SNX9: variants seen among roughly 807,000 people sequenced by gnomAD.
The protein encoded by SNX9 is sorting nexin-9.
SNX9 carries 44 observed loss-of-function variants against 89.4 expected under a neutral mutation model. That is an observed-to-expected ratio of 0.49 (90% CI 0.39 to 0.63). SNX9 has a LOEUF of 0.63. SNX9 is among the 30% of genes least tolerant of loss of function. The pLI is 0.00. For synonymous variants in SNX9, 236 were observed against 247.8 expected (o/e 0.95, Z 0.45); for missense variants, 578 against 736.1 (o/e 0.79, Z 2.49).
intron 9 of SNX9, 102 bp downstream of exon 9, chr6:157,910,127 C>A: frequency 1.2e-6 from 1 of 855,866 alleles, no homozygotes; most frequent in Non-Finnish European, 2.0e-6. Context: ...TGTAGAGCAG[C>A]AGGATGCAGG....
chr6:157,869,575 T>G (rs73792154), intron 2 of SNX9, among the ~76,000 whole-genome samples: 1 of 152,164 alleles, frequency 6.6e-6, no homozygotes, highest in Non-Finnish European at 1.5e-5. Flanking sequence ...CTCTCCACCC[T>G]GCGCTTCCTG....
At chr6:157,893,675 T>A (rs1782911914) in intron 4 of SNX9, among the ~76,000 whole-genome samples, 1 of 152,118 alleles carries the variant, frequency 6.6e-6, no homozygotes, top group East Asian at 1.9e-4. Flanking sequence ...TTTCATGTTA[T>A]GAAATAGATT....
chr6:157,844,815 G>C (rs985139937), intron 1 of SNX9, among the ~76,000 whole-genome samples: 1 of 151,988 alleles, frequency 6.6e-6, no homozygotes, highest in African/African-American at 2.4e-5. Context: ...GGCTGGTCTT[G>C]AACTCCTGAC....
intron 1 of SNX9, among the ~76,000 whole-genome samples, chr6:157,861,692 C>T (rs563302748): frequency 2.6e-5 from 4 of 152,272 alleles, no homozygotes; most frequent in Admixed American, 2.6e-4. Context: ...TCCGAGACCT[C>T]CAGGGATGCC....
At chr6:157,921,088 G>T (rs546525106) in intron 9 of SNX9, among the ~76,000 whole-genome samples, 1 of 152,342 alleles carries the variant, frequency 6.6e-6, no homozygotes, top group Admixed American at 6.5e-5. Context: ...CATGTCGTTT[G>T]TAAGAATGAC....
At chr6:157,898,197 T>A (rs989823484) in intron 5 of SNX9, among the ~76,000 whole-genome samples, 3 of 152,232 alleles carry the variant, frequency 2.0e-5, no homozygotes, top group African/African-American at 7.2e-5. Context: ...TCAAAAGAAC[T>A]GCTTGCAGTT....
At chr6:157,832,818 C>A (rs746064633) in intron 1 of SNX9, among the ~76,000 whole-genome samples, 11 of 152,208 alleles carry the variant, frequency 7.2e-5, no homozygotes, top group African/African-American at 2.7e-4. Flanking sequence ...ATGGGAACTA[C>A]AATTCAAGAT....
At chr6:157,867,514 G>T (rs1307953154) in intron 1 of SNX9, 33 bp from the exon 2 acceptor site, 1 of 1,571,206 alleles carries the variant, frequency 6.4e-7, no homozygotes, top group South Asian at 1.1e-5. Flanking sequence ...GTTTGTGTTT[G>T]TAACATCCTC....
chr6:157,841,115 G>C (rs1781694727), intron 1 of SNX9, among the ~76,000 whole-genome samples: 1 of 152,132 alleles, frequency 6.6e-6, no homozygotes. Flanking sequence ...TGAGAACTGG[G>C]GCAGAATGCT....
chr6:157,827,801 CT>C lies in SNX9; in HGVS notation c.12+4359del, dbSNP rs1178888142. Among the ~76,000 whole-genome samples, 10 of 150,074 alleles carry C rather than the reference CT, an allele frequency of 6.7e-5. No homozygotes were observed. The East Asian group carries it at 1.8e-3, about 26-fold the overall frequency. ...TAACCTTCAGTCACTAATTTGGATC[CT>C]TTTGTGCTTACATAGTCACCTTTAG... On this transcript the variant is annotated intron_variant, in intron 1 of 17. Transcript: ENST00000392185.
At chr6:157,862,700 C>G (rs1782165808) in intron 1 of SNX9, among the ~76,000 whole-genome samples, 1 of 152,078 alleles carries the variant, frequency 6.6e-6, no homozygotes, top group Non-Finnish European at 1.5e-5. Context: ...TTTTTCCTTC[C>G]TATTTTGAAC....
intron 3 of SNX9, chr6:157,874,342 A>G (rs1363137307): frequency 6.6e-6 from 1 of 152,376 alleles, no homozygotes; most frequent in South Asian, 2.1e-4. Context: ...ACTTGTATGC[A>G]CTTTGCATCC....
chr6:157,890,015 A>G (rs994320138), intron 4 of SNX9, among the ~76,000 whole-genome samples: 2 of 152,246 alleles, frequency 1.3e-5, no homozygotes, highest in African/African-American at 4.8e-5. Flanking sequence ...CCACACAGCT[A>G]GTGGTAAGTG....
At chr6:157,903,844 C>T (rs1423168299) in intron 6 of SNX9, among the ~76,000 whole-genome samples, 2 of 152,168 alleles carry the variant, frequency 1.3e-5, no homozygotes, top group Non-Finnish European at 2.9e-5. Context: ...ATTCTTTCTG[C>T]TCTAAAATAT....
At chr6:157,896,774 T>C in intron 4 of SNX9, 53 bp from the exon 5 acceptor site, 1 of 1,597,578 alleles carries the variant, frequency 6.3e-7, no homozygotes, top group East Asian at 2.2e-5. Flanking sequence ...TTGAATTGAG[T>C]CATGGTTTCC....
At chr6:157,893,833 T>A (rs1782913958) in intron 4 of SNX9, among the ~76,000 whole-genome samples, 1 of 152,182 alleles carries the variant, frequency 6.6e-6, no homozygotes, top group South Asian at 2.1e-4. Flanking sequence ...AATATTAAGC[T>A]GATGCTAAAG....
chr6:157,905,028 C>A (rs1387884549), intron 6 of SNX9, among the ~76,000 whole-genome samples: 1 of 152,192 alleles, frequency 6.6e-6, no homozygotes, highest in African/African-American at 2.4e-5. Context: ...CTTTAATTCC[C>A]TTATCACCTT....
At chr6:157,836,782 G>A (rs544398410) in intron 1 of SNX9, among the ~76,000 whole-genome samples, 82 of 151,970 alleles carry the variant, frequency 5.4e-4, no homozygotes, top group Admixed American at 1.2e-3. Flanking sequence ...TAGTAGAGAC[G>A]GGGTTTCACC....
intron 4 of SNX9, among the ~76,000 whole-genome samples, chr6:157,894,071 CCTGTATCATTT>C: frequency 6.7e-6 from 1 of 149,614 alleles, no homozygotes; most frequent in African/African-American, 2.5e-5. Context: ...CAGCTGGATC[CCTGTATCATTT>C]CTTTTTCTTT....
Sources: gnomAD v4.1 joint callset for allele counts (sites outside exome capture counted in the v4.1 genomes callset) on GRCh38, gnomAD v4.1.1 for gene constraint, MANE v1.5 for transcripts, NCBI Gene and HGNC (gene_info 2026-07-23, HGNC 2026-07-21) for gene names.